Variants in CAMK1D observed in about 807,000 individuals in gnomAD.
CAMK1D encodes calcium/calmodulin dependent protein kinase ID, also known as calcium/calmodulin-dependent protein kinase type 1D.
In CAMK1D, 9 loss-of-function variants were observed where a neutral mutation model predicts 47.7. The ratio of observed to expected loss-of-function variants is 0.19; its 90% CI spans 0.11 to 0.33. The LOEUF (loss-of-function observed/expected upper bound fraction) is 0.33. Among genes scored for constraint, CAMK1D ranks in the 10% least tolerant of loss-of-function variants. The pLI is 1.00. For synonymous variants in CAMK1D, 184 were observed against 184.9 expected (o/e 0.99, Z 0.04); for missense variants, 291 against 488.7 (o/e 0.60, Z 3.81).
intron 5 of CAMK1D, among the ~76,000 whole-genome samples, chr10:12,786,209 A>G (rs1837716324): frequency 1.3e-5 from 2 of 152,198 alleles, no homozygotes; most frequent in Non-Finnish European, 2.9e-5. Flanking sequence ...TCATTTCCAA[A>G]TCAATTTGCT....
At chr10:12,363,906 G>T (rs1328679245) in intron 1 of CAMK1D, among the ~76,000 whole-genome samples, 1 of 152,114 alleles carries the variant, frequency 6.6e-6, no homozygotes, top group Non-Finnish European at 1.5e-5. Context: ...GAATTGTACT[G>T]CTGTGAACAT....
chr10:12,505,492 T>C (rs539762904), intron 1 of CAMK1D, among the ~76,000 whole-genome samples: 1 of 152,304 alleles, frequency 6.6e-6, no homozygotes, highest in Non-Finnish European at 1.5e-5. Flanking sequence ...TGCTTCTCAC[T>C]CAGAGCCCAG....
At chr10:12,558,446 T>C (rs1836833794) in intron 2 of CAMK1D, among the ~76,000 whole-genome samples, 1 of 151,866 alleles carries the variant, frequency 6.6e-6, no homozygotes, top group East Asian at 1.9e-4. Flanking sequence ...CACAGCTACT[T>C]GGGAGGCTGA....
chr10:12,615,866 G>A lies in CAMK1D; in HGVS notation c.225-50870G>A, dbSNP rs373942685. On this transcript the variant is annotated intron_variant, in intron 2 of 10. Transcript: ENST00000619168. Reference sequence around the variant, plus strand: ...TGTATAGGTGTAGGTGTGTATGCATGTATGTGTATAAGTGTATGCATAAGT... The same window carrying A: ...TGTATAGGTGTAGGTGTGTATGCATATATGTGTATAAGTGTATGCATAAGT... 0.011 allele frequency among the ~76,000 whole-genome samples: 349 copies of A among 32,586 alleles called. 1 individual carries two copies. In the Middle Eastern group the frequency reaches 0.12, roughly 11 times the overall value. The allele number at this position is 32,586 out of a possible 152,430, so 21.4% of individuals were successfully genotyped here.
At chr10:12,370,693 C>T (rs1039119608) in intron 1 of CAMK1D, among the ~76,000 whole-genome samples, 1 of 152,174 alleles carries the variant, frequency 6.6e-6, no homozygotes, top group African/African-American at 2.4e-5. Context: ...CTGCAACCTT[C>T]GCCTCCCCAG....
intron 1 of CAMK1D, among the ~76,000 whole-genome samples, chr10:12,423,962 C>T (rs570644885): frequency 5.9e-5 from 9 of 152,276 alleles, no homozygotes; most frequent in South Asian, 2.1e-4. Context: ...CTGCGTTGTT[C>T]GGTCCCCCCA....
chr10:12,660,239 C>A (rs1243474470), intron 2 of CAMK1D, among the ~76,000 whole-genome samples: 1 of 152,064 alleles, frequency 6.6e-6, no homozygotes, highest in Non-Finnish European at 1.5e-5. Flanking sequence ...TTTTTTTCTC[C>A]TCTCTTTTGT....
intron 1 of CAMK1D, among the ~76,000 whole-genome samples, chr10:12,416,463 AG>A (rs1192861251): frequency 6.6e-6 from 1 of 152,194 alleles, no homozygotes; most frequent in Non-Finnish European, 1.5e-5. Context: ...AGCACAGAAC[AG>A]GGGTTGGATG....
chr10:12,351,318 T>A (rs1201916810), intron 1 of CAMK1D, among the ~76,000 whole-genome samples: 1 of 152,198 alleles, frequency 6.6e-6, no homozygotes, highest in Non-Finnish European at 1.5e-5. Context: ...AATAGGGGTT[T>A]GGGGTTGCCT....
chr10:12,386,755 C>G (rs1324166121), intron 1 of CAMK1D, among the ~76,000 whole-genome samples: 1 of 152,106 alleles, frequency 6.6e-6, no homozygotes, highest in East Asian at 1.9e-4. Context: ...TGACAGATGA[C>G]TTTAATTTTC....
intron 3 of CAMK1D, among the ~76,000 whole-genome samples, chr10:12,731,833 T>G (rs1048499472): frequency 1.3e-5 from 2 of 152,072 alleles, no homozygotes; most frequent in Non-Finnish European, 2.9e-5. Context: ...AGGAGGCTGC[T>G]TGATGGTGAG....
intron 2 of CAMK1D, among the ~76,000 whole-genome samples, chr10:12,651,566 A>AT (rs796578968): frequency 0.018 from 2,629 of 145,342 alleles, 63 homozygotes; most frequent in African/African-American, 0.062. Flanking sequence ...TAATTTTTGT[A>AT]TTTTTTTTTT....
chr10:12,537,734 C>T (rs970782042), intron 1 of CAMK1D, among the ~76,000 whole-genome samples: 3 of 152,174 alleles, frequency 2.0e-5, no homozygotes, highest in Admixed American at 1.3e-4. Flanking sequence ...CATAACAGGG[C>T]TATTATCTCT....
At chr10:12,531,013 G>A (rs2132220480) in intron 1 of CAMK1D, among the ~76,000 whole-genome samples, 1 of 150,886 alleles carries the variant, frequency 6.6e-6, no homozygotes. Flanking sequence ...AGCCAAGATT[G>A]TGCCACTGCA....
chr10:12,786,525 C>T (rs921742227), intron 5 of CAMK1D, among the ~76,000 whole-genome samples: 15 of 152,158 alleles, frequency 9.9e-5, no homozygotes, highest in African/African-American at 3.1e-4. Flanking sequence ...TTATCCAAAG[C>T]AGAAATCTTA....
intron 2 of CAMK1D, among the ~76,000 whole-genome samples, chr10:12,638,446 GCC>G: frequency 6.6e-6 from 1 of 152,198 alleles, no homozygotes; most frequent in East Asian, 1.9e-4. Context: ...ACCACCTCGG[GCC>G]TTTTACAGAG....
At chr10:12,558,554 CAA>C (rs10574542) in intron 2 of CAMK1D, among the ~76,000 whole-genome samples, 73,766 of 150,330 alleles carry the variant, frequency 0.49, 19,025 homozygotes, top group Non-Finnish European at 0.58. Context: ...AACTCCATCT[CAA>C]AAAAAAAAAA....
At chr10:12,814,516 G>C (rs182828349) in intron 7 of CAMK1D, among the ~76,000 whole-genome samples, 1 of 152,292 alleles carries the variant, frequency 6.6e-6, no homozygotes, top group Admixed American at 6.5e-5. Context: ...GGGAAGTCCA[G>C]ATCAATTCGC....
At chr10:12,414,722 G>A (rs115055813) in intron 1 of CAMK1D, among the ~76,000 whole-genome samples, 3 of 152,144 alleles carry the variant, frequency 2.0e-5, no homozygotes, top group Non-Finnish European at 4.4e-5. Flanking sequence ...TTTGAATTTG[G>A]ATCGTTTCCT....
Sources: gnomAD v4.1 joint callset for allele counts (sites outside exome capture counted in the v4.1 genomes callset) on GRCh38, gnomAD v4.1.1 for gene constraint, MANE v1.5 for transcripts, NCBI Gene and HGNC (gene_info 2026-07-23, HGNC 2026-07-21) for gene names.